TET3: variants seen among roughly 807,000 people sequenced by gnomAD.
TET3 encodes tet methylcytosine dioxygenase 3.
TET3 carries 19 observed loss-of-function variants against 141.4 expected under a neutral mutation model. The ratio of observed to expected loss-of-function variants is 0.13; its 90% CI spans 0.09 to 0.20. The LOEUF (loss-of-function observed/expected upper bound fraction) is 0.20. TET3 is among the 10% of genes least tolerant of loss of function. The pLI is 1.00. For missense variants in TET3, 1,874 were observed against 2,356.9 expected (o/e 0.80, Z 4.24); for synonymous variants, 1,043 against 980.9 (o/e 1.06, Z -1.18).
intron 6 of TET3, among the ~76,000 whole-genome samples, chr2:74,083,689 G>A (rs1180576339): frequency 3.3e-5 from 5 of 152,146 alleles, no homozygotes; most frequent in African/African-American, 1.2e-4. Context: ...CCTCTGTGCT[G>A]TTTTCTTAGT....
intron 2 of TET3, among the ~76,000 whole-genome samples, chr2:73,997,700 G>T (rs1558696569): frequency 6.6e-6 from 1 of 152,210 alleles, no homozygotes; most frequent in Non-Finnish European, 1.5e-5. Flanking sequence ...AGACAGGCAG[G>T]TGGCCCTCCT....
intron 3 of TET3, among the ~76,000 whole-genome samples, chr2:74,043,633 A>G (rs1005697628): frequency 6.6e-6 from 1 of 152,166 alleles, no homozygotes; most frequent in African/African-American, 2.4e-5. Context: ...AGGCAATGAG[A>G]ACTGCGTGTA....
At chr2:74,001,801 C>G (rs558290739) in intron 2 of TET3, among the ~76,000 whole-genome samples, 1 of 152,324 alleles carries the variant, frequency 6.6e-6, no homozygotes, top group African/African-American at 2.4e-5. Context: ...CTCTTGGGGT[C>G]TGGGCTACCT....
intron 4 of TET3, 112 bp downstream of exon 4, chr2:74,048,523 C>G (rs750086986): frequency 2.5e-6 from 3 of 1,177,662 alleles, no homozygotes; most frequent in Non-Finnish European, 3.5e-6. Context: ...CCAACTGCCA[C>G]ACTGGGTTCT....
intron 2 of TET3, among the ~76,000 whole-genome samples, chr2:73,987,431 G>A (rs1241200705): frequency 2.0e-5 from 3 of 152,206 alleles, no homozygotes; most frequent in Non-Finnish European, 2.9e-5. Context: ...GATTTGGGGT[G>A]AGAGCAGGCA....
chr2:74,033,213 T>A (rs1008942306), intron 3 of TET3, among the ~76,000 whole-genome samples: 2 of 152,224 alleles, frequency 1.3e-5, no homozygotes, highest in African/African-American at 4.8e-5. Flanking sequence ...CTATGATAAA[T>A]TTTGGAAACT....
chr2:74,118,152 A>C, the TET3 span, among the ~76,000 whole-genome samples: 2 of 152,286 alleles, frequency 1.3e-5, no homozygotes, highest in Admixed American at 6.5e-5. Flanking sequence ...AGTAAATTGC[A>C]TACTATAGTA....
intron 4 of TET3, among the ~76,000 whole-genome samples, chr2:74,065,652 T>C (rs12713808): frequency 0.31 from 45,840 of 149,948 alleles, 7,509 homozygotes; most frequent in African/African-American, 0.41. Context: ...TTCTCTCTCT[T>C]CTTTTCTTTT....
At chr2:74,062,092 C>T (rs766505584) in intron 4 of TET3, among the ~76,000 whole-genome samples, 3 of 152,150 alleles carry the variant, frequency 2.0e-5, no homozygotes, top group Admixed American at 6.5e-5. Context: ...GAGGTTGTAG[C>T]GAGCCGAGAG....
At position 74,105,912 on chromosome 2, in the gene TET3, T is replaced by C. The variant is rs987569792; in HGVS notation, c.*3736T>C. ...CCTGACGTGCCTCAACCAGTATCTCTTTCCTTTTGTTACTGAAGTGTGTTT... is the reference window on the plus strand; with the variant it reads ...CCTGACGTGCCTCAACCAGTATCTCCTTCCTTTTGTTACTGAAGTGTGTTT... On this transcript the variant is annotated 3_prime_UTR_variant, in exon 12 of 12. Transcript: ENST00000409262. The C allele has an allele frequency of 6.5e-6, 1 of 154,036 alleles. No homozygotes were observed. Among genetic ancestry groups the C allele is most frequent in the African/African-American group, 2.4e-5 (1 of 41,462 alleles). The allele number at this position is 154,036 out of a possible 1,614,324, so 9.5% of individuals were successfully genotyped here.
chr2:74,095,963 T>G (rs1168015200), intron 10 of TET3, among the ~76,000 whole-genome samples: 2 of 152,262 alleles, frequency 1.3e-5, no homozygotes, highest in Non-Finnish European at 2.9e-5. Flanking sequence ...GGGAAACATA[T>G]GATCTTATTT....
At chr2:74,083,393 G>A (rs549294983) in intron 6 of TET3, among the ~76,000 whole-genome samples, 71 of 152,324 alleles carry the variant, frequency 4.7e-4, no homozygotes, top group African/African-American at 1.7e-3. Flanking sequence ...TAGGGACACA[G>A]TAAAACAGAC....
At chr2:74,025,682 C>T (rs1410366524) in intron 3 of TET3, among the ~76,000 whole-genome samples, 4 of 152,190 alleles carry the variant, frequency 2.6e-5, no homozygotes, top group Non-Finnish European at 2.9e-5. Flanking sequence ...TTAAATTTTA[C>T]CAATCGTTAC....
chr2:74,087,763 A>AGG lies in TET3; in HGVS notation c.2680-64_2680-63dup, dbSNP rs1222713078. 2.1e-6 allele frequency: 3 copies of AGG among 1,445,548 alleles called. No individual in the cohort carries two copies. Among genetic ancestry groups the AGG allele is most frequent in the Admixed American group, 4.6e-5 (2 of 43,458 alleles). The allele number at this position is 1,445,548 out of a possible 1,614,324, so 89.5% of individuals were successfully genotyped here. Reference sequence around the variant, plus strand: ...CACCCTGGGTCTGTGTGACAAAGGGAGGGGTGGCACCATGCAGAGGAGCAC... The same window carrying AGG: ...CACCCTGGGTCTGTGTGACAAAGGGAGGGGGGTGGCACCATGCAGAGGAGCAC... On this transcript the variant is annotated intron_variant, in intron 6 of 11. Coordinates refer to ENST00000409262, the MANE Select transcript of TET3 (RefSeq NM_001287491.2). This position sits in a 1 kb window ranked among gnomAD's most constrained non-coding sequence, Gnocchi z 4.3.
At chr2:74,060,197 G>GT (rs1688427831) in intron 4 of TET3, among the ~76,000 whole-genome samples, 1 of 152,180 alleles carries the variant, frequency 6.6e-6, no homozygotes, top group South Asian at 2.1e-4. Context: ...ATGTATAATA[G>GT]TATCTCACTG....
At position 74,093,082 on chromosome 2, in the gene TET3, T is replaced by C. The variant is rs1036580856; in HGVS notation, c.3129+91T>C. 3.3e-6 allele frequency: 4 copies of C among 1,194,962 alleles called. No individual in the cohort carries two copies. Among genetic ancestry groups the C allele is most frequent in the African/African-American group, 3.0e-5 (2 of 65,688 alleles). The allele number at this position is 1,194,962 out of a possible 1,614,324, so 74.0% of individuals were successfully genotyped here. On this transcript the variant is annotated intron_variant, in intron 9 of 11. Transcript: ENST00000409262. The surrounding 1 kb of genome is among the most constrained non-coding windows in gnomAD (Gnocchi z 4.2). ...GTGGGAAGTGGGAGAGTGGGCTCTT[T>C]TACTCTCTTATGGGAAGAGCCTAGT...
intron 3 of TET3, among the ~76,000 whole-genome samples, chr2:74,037,731 CT>C (rs1407054708): frequency 6.6e-6 from 1 of 152,224 alleles, no homozygotes; most frequent in Non-Finnish European, 1.5e-5. Flanking sequence ...CCTCCAGACT[CT>C]GTTCCTCTTG....
Position 74,101,980 on chromosome 2 carries a change from G to A in TET3, c.5192G>A (p.Gly1731Asp). ...CGGCAGGAGGAGGCTGCCCGGCTGG[G>A]CCTGGGCCAGCAGGAGGCCAAGCTC... ...RARQEEAARL[G>D]LGQQEAKLYG... is the part of the protein sequence containing the mutation. Residue 1731 changes from glycine (G) to aspartate (D), a missense_variant, in exon 12 of 12, where the codon GGC becomes GAC. Coordinates refer to ENST00000409262, the MANE Select transcript of TET3 (RefSeq NM_001287491.2). This position sits in a 1 kb window ranked among gnomAD's most constrained non-coding sequence, Gnocchi z 8.5. The A allele has an allele frequency of 6.2e-7, 1 of 1,605,178 alleles. No homozygotes were observed. Among genetic ancestry groups the A allele is most frequent in the East Asian group, 2.2e-5 (1 of 44,642 alleles).
intron 3 of TET3, among the ~76,000 whole-genome samples, chr2:74,029,803 T>C (rs1010669083): frequency 2.0e-5 from 3 of 152,254 alleles, no homozygotes; most frequent in African/African-American, 7.2e-5. Context: ...TTTCTCTGGC[T>C]CTATAATGAG....
Sources: gnomAD v4.1 joint callset for allele counts (sites outside exome capture counted in the v4.1 genomes callset) on GRCh38, gnomAD v4.1.1 for gene constraint, Gnocchi (gnomAD v3.1) non-coding constraint, MANE v1.5 for transcripts, NCBI Gene and HGNC (gene_info 2026-07-23, HGNC 2026-07-21) for gene names.